The following GNG7 variants were observed in gnomAD, a reference collection of about 807,000 sequenced individuals.
GNG7 encodes the protein G protein subunit gamma 7.
GNG7 carries 1 observed loss-of-function variant against 4.0 expected under a neutral mutation model. That is an observed-to-expected ratio of 0.25 (90% CI 0.09 to 1.18). The LOEUF (loss-of-function observed/expected upper bound fraction) is 1.18, where lower values mean the gene tolerates loss of function less well. Ranked by LOEUF, GNG7 falls within the 50% of genes most tolerant of loss-of-function variation. The pLI, the probability that GNG7 is intolerant of heterozygous loss-of-function variation, is 0.50. For synonymous variants in GNG7, 34 were observed against 36.9 expected (o/e 0.92, Z 0.29); for missense variants, 86 against 91.9 (o/e 0.94, Z 0.26).
chr19:2,651,555 T>G (rs545710590), intron 1 of GNG7, among the ~76,000 whole-genome samples: 339 of 140,860 alleles, frequency 2.4e-3, no homozygotes, highest in Admixed American at 5.0e-3. Context: ...CTCTCTCCCT[T>G]TCTCTCTCTC....
At chr19:2,591,553 C>G (rs1417016499) in intron 2 of GNG7, among the ~76,000 whole-genome samples, 1 of 147,860 alleles carries the variant, frequency 6.8e-6, no homozygotes, top group Non-Finnish European at 1.5e-5. Context: ...GCTGTTCAAC[C>G]AAAGAACCAA....
At chr19:2,616,437 G>A (rs1031450193) in intron 2 of GNG7, among the ~76,000 whole-genome samples, 1 of 151,918 alleles carries the variant, frequency 6.6e-6, no homozygotes, top group Non-Finnish European at 1.5e-5. Flanking sequence ...TAGAGATGAG[G>A]TTTTGTCATG....
intron 3 of GNG7, among the ~76,000 whole-genome samples, chr19:2,530,965 A>C (rs1978563125): frequency 6.6e-6 from 1 of 152,068 alleles, no homozygotes; most frequent in Admixed American, 6.6e-5. Context: ...AGGCTTGGTA[A>C]ATTCCCCCTT....
intron 1 of GNG7, among the ~76,000 whole-genome samples, chr19:2,695,102 G>A (rs971181623): frequency 1.7e-4 from 26 of 152,140 alleles, no homozygotes; most frequent in African/African-American, 5.5e-4. Flanking sequence ...GCTTGAGCCC[G>A]GAGTTTGAGG....
intron 1 of GNG7, among the ~76,000 whole-genome samples, chr19:2,652,129 C>T (rs979574364): frequency 6.6e-6 from 1 of 151,574 alleles, no homozygotes; most frequent in African/African-American, 2.4e-5. Flanking sequence ...GAGCCAAGAT[C>T]GCACTACTGC....
intron 3 of GNG7, among the ~76,000 whole-genome samples, chr19:2,543,662 G>A (rs1417308462): frequency 1.3e-5 from 2 of 152,162 alleles, no homozygotes. Flanking sequence ...GCCAGCGGGC[G>A]TTTGCTCTCC....
rs376405673 is a variant in GNG7 at position 2,688,928 on chromosome 19, G to A, written c.-135+13718C>T. 3.3e-5 allele frequency among the ~76,000 whole-genome samples: 5 copies of A among 151,902 alleles called. No homozygotes were observed. In the East Asian group the frequency reaches 5.8e-4, roughly 18 times the overall value. On this transcript the variant is annotated intron_variant, in intron 1 of 4. Transcript: ENST00000382159. ...AATAAAACAAAAATTAGCCAGGCACGGGGTTGCGTGCCTGTGGTCCCAGCT... is the reference window on the plus strand; with the variant it reads ...AATAAAACAAAAATTAGCCAGGCACAGGGTTGCGTGCCTGTGGTCCCAGCT...
chr19:2,538,073 T>A (rs1038976118), intron 3 of GNG7: 2 of 302,126 alleles, frequency 6.6e-6, no homozygotes, highest in Admixed American at 4.0e-5. Flanking sequence ...CAAGACTCTC[T>A]CTCAAACAAA....
At chr19:2,670,718 C>G (rs540841943) in intron 1 of GNG7, among the ~76,000 whole-genome samples, 1 of 151,804 alleles carries the variant, frequency 6.6e-6, no homozygotes, top group Admixed American at 6.6e-5. Context: ...AGCAGCATCC[C>G]TGGCCTGCAC....
At chr19:2,568,087 A>G (rs927625037) in intron 2 of GNG7, among the ~76,000 whole-genome samples, 11 of 133,204 alleles carry the variant, frequency 8.3e-5, no homozygotes, top group East Asian at 2.9e-4. Context: ...ATACACATGC[A>G]CACACACACA....
intron 2 of GNG7, among the ~76,000 whole-genome samples, chr19:2,602,602 C>T (rs924646323): frequency 6.6e-6 from 1 of 152,248 alleles, no homozygotes; most frequent in Non-Finnish European, 1.5e-5. Context: ...GATCTCCAAC[C>T]GGGCCCCGGA....
In GNG7 at chr19:2,660,056, G is replaced by A. The variant is rs1017761236; in HGVS notation, c.-134-13776C>T. ...CTCCTCACCGAGGGGCCATGGCGGC[G>A]AGCGGATCACACAGCAGTCCTCATG... is the stretch of plus-strand genomic sequence containing the variant. On this transcript the variant is annotated intron_variant, in intron 1 of 4. Coordinates refer to ENST00000382159, the MANE Select transcript of GNG7 (RefSeq NM_052847.3). Among the ~76,000 whole-genome samples the A allele has an allele frequency of 3.9e-5, 6 of 152,224 alleles. 1 individual carries two copies. Among genetic ancestry groups the A allele is most frequent in the South Asian group, 4.2e-4 (2 of 4,812 alleles).
chr19:2,558,032 G>A (rs769609964), intron 2 of GNG7, among the ~76,000 whole-genome samples: 1 of 151,922 alleles, frequency 6.6e-6, no homozygotes, highest in Non-Finnish European at 1.5e-5. Context: ...TAGTAGAGAG[G>A]GGGTTTCACC....
intron 2 of GNG7, among the ~76,000 whole-genome samples, chr19:2,623,160 T>A (rs1981928502): frequency 6.6e-6 from 1 of 151,952 alleles, no homozygotes; most frequent in African/African-American, 2.4e-5. Context: ...ACCCCATCTC[T>A]ACAAAAAAAT....
At chr19:2,676,362 C>G (rs1983592882) in intron 1 of GNG7, among the ~76,000 whole-genome samples, 1 of 152,142 alleles carries the variant, frequency 6.6e-6, no homozygotes, top group Admixed American at 6.5e-5. Context: ...AGACACCCTC[C>G]TCGTGAACAT....
chr19:2,612,965 T>C (rs1981616930), intron 2 of GNG7, among the ~76,000 whole-genome samples: 1 of 152,118 alleles, frequency 6.6e-6, no homozygotes, highest in South Asian at 2.1e-4. Context: ...GTGTTGAGAT[T>C]ACAGATGTGA....
intron 3 of GNG7, among the ~76,000 whole-genome samples, chr19:2,554,368 G>A (rs1042644404): frequency 1.3e-5 from 2 of 148,272 alleles, no homozygotes; most frequent in Non-Finnish European, 3.0e-5. Flanking sequence ...TTAAGAGACC[G>A]GGTCTCACTC....
At chr19:2,590,709 C>CCATT (rs1482061895) in intron 2 of GNG7, among the ~76,000 whole-genome samples, 3 of 145,972 alleles carry the variant, frequency 2.1e-5, no homozygotes, top group African/African-American at 7.6e-5. Context: ...ATCCATCCAC[C>CCATT]CATTCATCCA....
chr19:2,588,375 GCA>G (rs1980738033), intron 2 of GNG7, among the ~76,000 whole-genome samples: 2 of 152,180 alleles, frequency 1.3e-5, no homozygotes, highest in African/African-American at 4.8e-5. Flanking sequence ...AGATAAACCA[GCA>G]CGACGCGGCT....
Sources: allele counts gnomAD v4.1 joint callset (sites outside exome capture counted in the v4.1 genomes callset), GRCh38; gene constraint gnomAD v4.1.1; transcripts MANE v1.5; gene names NCBI Gene and HGNC (gene_info 2026-07-23, HGNC 2026-07-21).